The following CNTN4 variants were observed in gnomAD, a reference collection of about 807,000 sequenced individuals.
CNTN4 encodes the protein contactin 4, also known as contactin-4.
CNTN4 carries 77 observed loss-of-function variants against 122.5 expected under a neutral mutation model. The observed-to-expected ratio is 0.63, with a 90% CI of 0.52 to 0.76. The LOEUF (loss-of-function observed/expected upper bound fraction) is 0.76. Ranked by LOEUF, CNTN4 falls within the 30% of genes least tolerant of loss-of-function variation. The pLI, the probability that CNTN4 is intolerant of heterozygous loss-of-function variation, is 0.00. For synonymous variants in CNTN4, 512 were observed against 447.0 expected (o/e 1.15, Z -1.83); for missense variants, 1,256 against 1,259.1 (o/e 1.00, Z 0.04).
chr3:3,046,976 C>A (rs543721091), intron 23 of CNTN4, among the ~76,000 whole-genome samples: 1,631 of 143,098 alleles, frequency 0.011, 55 homozygotes, highest in African/African-American at 0.041. Flanking sequence ...GGGTTGCAAT[C>A]CTAGTCTCTG....
chr3:2,996,728 T>C (rs116558949), intron 14 of CNTN4, among the ~76,000 whole-genome samples: 206 of 152,304 alleles, frequency 1.4e-3, no homozygotes, highest in African/African-American at 4.4e-3. Flanking sequence ...CTGGCTTGCA[T>C]TGAAAACCTC....
At position 2,965,666 on chromosome 3, in the gene CNTN4, A is replaced by G. The variant is rs1233384127; in HGVS notation, c.1359-22679A>G. ...ATCTTTCCAAAATGTAAATCTGATG[A>G]TATCACTCCCATGCCTTAAGTTCTT... is the stretch of plus-strand genomic sequence containing the variant. On this transcript the variant is annotated intron_variant, in intron 13 of 24. Transcript: ENST00000418658. Among the ~76,000 whole-genome samples, 3 of 152,106 alleles carry G rather than the reference A, an allele frequency of 2.0e-5. No individual in the cohort carries two copies. In the East Asian group the frequency reaches 5.8e-4, roughly 29 times the overall value.
rs573747239 is a variant in CNTN4, at chr3:2,358,942, G to A, written c.-89+19709G>A. ...ATGAGGTTTTCTCTCTCACAATTAC[G>A]TGAGCCTCTGCAGAGTGTACTTTTT... On this transcript the variant is annotated intron_variant, in intron 3 of 24. Transcript: ENST00000418658. Among the ~76,000 whole-genome samples the A allele has an allele frequency of 5.3e-5, 8 of 152,230 alleles. No individual in the cohort carries two copies. The South Asian group carries it at 1.2e-3, about 24-fold the overall frequency.
At position 2,385,997 on chromosome 3, in the gene CNTN4, C is replaced by T. The variant is rs181188947; in HGVS notation, c.-89+46764C>T. On this transcript the variant is annotated intron_variant, in intron 3 of 24. Coordinates refer to ENST00000418658, the MANE Select transcript of CNTN4 (RefSeq NM_175607.3). The surrounding 1 kb of genome is among the most constrained non-coding windows in gnomAD (Gnocchi z 4.0). ...TTCAGAAGAGAGGTTATCACCCCAC[C>T]TTCATTTTATAGGAATTACGTCTTA... Among the ~76,000 whole-genome samples the T allele has an allele frequency of 5.3e-5, 8 of 152,180 alleles. No individual in the cohort carries two copies. In the East Asian group the frequency reaches 1.6e-3, roughly 30 times the overall value.
At chr3:2,821,515 A>G (rs2092872263) in intron 7 of CNTN4, among the ~76,000 whole-genome samples, 1 of 152,184 alleles carries the variant, frequency 6.6e-6, no homozygotes, top group African/African-American at 2.4e-5. Context: ...CTTTGCCTCC[A>G]TGTCATTGAT....
intron 4 of CNTN4, among the ~76,000 whole-genome samples, chr3:2,616,537 C>A (rs1421610416): frequency 1.3e-5 from 2 of 152,098 alleles, no homozygotes; most frequent in African/African-American, 4.8e-5. Context: ...AGTTCTAGAT[C>A]CTTGAGGAAT....
intron 4 of CNTN4, among the ~76,000 whole-genome samples, chr3:2,704,816 G>C (rs1002089722): frequency 2.5e-4 from 38 of 152,208 alleles, no homozygotes; most frequent in African/African-American, 8.9e-4. Flanking sequence ...TATTAAAAGT[G>C]GCCATAGATG....
intron 8 of CNTN4, among the ~76,000 whole-genome samples, chr3:2,879,926 C>A (rs900959737): frequency 2.0e-5 from 3 of 152,026 alleles, no homozygotes; most frequent in Non-Finnish European, 4.4e-5. Flanking sequence ...TCATTTGGGT[C>A]ATTTAAAGAC....
At chr3:2,756,902 T>G (rs957201510) in intron 6 of CNTN4, among the ~76,000 whole-genome samples, 1 of 152,188 alleles carries the variant, frequency 6.6e-6, no homozygotes, top group African/African-American at 2.4e-5. Flanking sequence ...AATAAATTTT[T>G]TTTTTAAGCC....
intron 2 of CNTN4, among the ~76,000 whole-genome samples, chr3:2,287,658 GAA>G (rs1559415341): frequency 0.04 from 1,239 of 31,316 alleles, 15 homozygotes; most frequent in African/African-American, 0.096. Context: ...AGAAGAAGAA[GAA>G]GAAGAAGAAG....
chr3:2,230,900 A>G (rs564991178), intron 2 of CNTN4, among the ~76,000 whole-genome samples: 2 of 152,148 alleles, frequency 1.3e-5, no homozygotes, highest in South Asian at 4.1e-4. Context: ...AGGTGACAGG[A>G]TCACTTGAGC....
chr3:2,693,581 G>T (rs2149207338), intron 4 of CNTN4, among the ~76,000 whole-genome samples: 1 of 152,222 alleles, frequency 6.6e-6, no homozygotes, highest in African/African-American at 2.4e-5. Context: ...CATCCATCTG[G>T]ACTCTCAGGA....
intron 13 of CNTN4, among the ~76,000 whole-genome samples, chr3:2,978,208 G>A (rs188106401): frequency 1.3e-5 from 2 of 152,102 alleles, no homozygotes; most frequent in African/African-American, 2.4e-5. Flanking sequence ...CACACCCATC[G>A]TCCCCTCCCA....
chr3:2,900,640 TAC>T, intron 10 of CNTN4, 43 bp from the exon 11 acceptor site: 1 of 1,600,318 alleles, frequency 6.2e-7, no homozygotes, highest in Non-Finnish European at 8.6e-7. Context: ...ATAGATTGAG[TAC>T]ACACTGAATA....
At chr3:2,237,348 G>A (rs1158748825) in intron 2 of CNTN4, among the ~76,000 whole-genome samples, 2 of 152,130 alleles carry the variant, frequency 1.3e-5, no homozygotes, top group African/African-American at 2.4e-5. Context: ...GGTTACTCCT[G>A]TTTGTAGTCC....
chr3:2,767,098 T>C (rs1373384004), intron 6 of CNTN4, among the ~76,000 whole-genome samples: 3 of 151,988 alleles, frequency 2.0e-5, no homozygotes, highest in Non-Finnish European at 4.4e-5. Flanking sequence ...TTATTAGATC[T>C]CAAAAAAAAT....
chr3:2,670,658 C>G (rs1363058988), intron 4 of CNTN4, among the ~76,000 whole-genome samples: 4 of 152,092 alleles, frequency 2.6e-5, no homozygotes, highest in African/African-American at 7.2e-5. Context: ...GGTTAGTTTG[C>G]TCAGTAGTTG....
At chr3:2,265,534 G>A (rs1464721617) in intron 2 of CNTN4, among the ~76,000 whole-genome samples, 1 of 151,920 alleles carries the variant, frequency 6.6e-6, no homozygotes, top group African/African-American at 2.4e-5. Flanking sequence ...GCTCAGAATT[G>A]CTTTAATTAT....
At chr3:2,324,573 T>C (rs1454492106) in intron 2 of CNTN4, among the ~76,000 whole-genome samples, 1 of 152,186 alleles carries the variant, frequency 6.6e-6, no homozygotes, top group Non-Finnish European at 1.5e-5. Context: ...ATTCCCCTGC[T>C]AGCTTCTGTT....
Sources: allele counts gnomAD v4.1 joint callset (sites outside exome capture counted in the v4.1 genomes callset), GRCh38; gene constraint gnomAD v4.1.1; non-coding constraint Gnocchi (gnomAD v3.1); transcripts MANE v1.5; gene names NCBI Gene and HGNC (gene_info 2026-07-23, HGNC 2026-07-21).